The following AKAP3 variants were observed in gnomAD, a reference collection of about 807,000 sequenced individuals.
The protein encoded by AKAP3 is A-kinase anchoring protein 3.
A neutral mutation model predicts 57.2 loss-of-function variants in AKAP3; 27 were observed. The ratio of observed to expected loss-of-function variants is 0.47; its 90% CI spans 0.35 to 0.65. The LOEUF is 0.65. Among genes scored for constraint, AKAP3 ranks in the 30% least tolerant of loss-of-function variants. AKAP3 has a pLI of 0.01. For missense variants in AKAP3, 959 were observed against 1,040.0 expected (o/e 0.92, Z 1.07); for synonymous variants, 334 against 392.3 (o/e 0.85, Z 1.76).
chr12:4,639,167 T>G lies in AKAP3; in HGVS notation c.1-971A>C, dbSNP rs188115237. Among the ~76,000 whole-genome samples, 148 of 152,334 alleles carry G rather than the reference T, an allele frequency of 9.7e-4. 1 individual carries two copies. The highest frequency in any genetic ancestry group is 5.8e-3 in the Admixed American group (88 of 15,302). On this transcript the variant is annotated intron_variant, in intron 3 of 5. Transcript: ENST00000228850. ...ACACACTTTCCACAACACCGAATCT[T>G]ACTTGCTAGTCTTTGAAAACATGGC... is the stretch of plus-strand genomic sequence containing the variant.
At chr12:4,641,456 C>G (rs139046212) in intron 3 of AKAP3, among the ~76,000 whole-genome samples, 1 of 152,164 alleles carries the variant, frequency 6.6e-6, no homozygotes. Context: ...TCAAGTGATC[C>G]GCCAGCCTTG....
rs745729081 is a variant in AKAP3 at position 4,627,509 on chromosome 12, G to C, written c.1393C>G (p.Gln465Glu). The C allele has an allele frequency of 8.1e-6, 13 of 1,614,144 alleles. No individual in the cohort carries two copies. In the South Asian group the frequency reaches 1.4e-4, roughly 18 times the overall value. ...KEGLTLWHKTQQKECKSLGFQ... is the reference protein window; with the variant it reads ...KEGLTLWHKTEQKECKSLGFQ... Reference sequence around the variant, plus strand: ...CCTAGAGATTTACATTCTTTCTGCTGAGTTTTATGCCACAAGGTAAGCCCC... The same window carrying C: ...CCTAGAGATTTACATTCTTTCTGCTCAGTTTTATGCCACAAGGTAAGCCCC... Residue 465 changes from glutamine to glutamate, a missense_variant, in exon 5 of 6, where the codon CAG becomes GAG. Transcript: ENST00000228850.
chr12:4,635,454 T>G lies in AKAP3; in HGVS notation c.96+2647A>C, dbSNP rs536463522. 2.2e-5 allele frequency: 16 copies of G among 713,596 alleles called. No individual in the cohort carries two copies. In the African/African-American group the frequency reaches 2.6e-4, roughly 12 times the overall value. The allele number at this position is 713,596 out of a possible 1,614,324, so 44.2% of individuals were successfully genotyped here. A position where few individuals can be genotyped will look rare whatever the true frequency, so the allele number is the denominator to read the frequency against. On this transcript the variant is annotated intron_variant, in intron 4 of 5. Transcript: ENST00000228850. ...TTGTGGTTCATTCTTTGGCAATTTT[T>G]TAGCTATTGCCACGAACATTTCATT...
chr12:4,631,235 T>C lies in AKAP3; in HGVS notation c.97-2430A>G, dbSNP rs186659226. The C allele has an allele frequency of 3.0e-5, 19 of 634,094 alleles. No individual in the cohort carries two copies. In the East Asian group the frequency reaches 5.7e-4, roughly 19 times the overall value. The allele number at this position is 634,094 out of a possible 1,614,324, so 39.3% of individuals were successfully genotyped here. On this transcript the variant is annotated intron_variant, in intron 4 of 5. Transcript: ENST00000228850. Reference sequence around the variant, plus strand: ...TCTGACCATTTGGTAATCTCTTTTATGGATTAATGATTTATAGAGTTATAT... The same window carrying C: ...TCTGACCATTTGGTAATCTCTTTTACGGATTAATGATTTATAGAGTTATAT...
At chr12:4,641,005 A>G (rs1945630059) in intron 3 of AKAP3, among the ~76,000 whole-genome samples, 1 of 151,906 alleles carries the variant, frequency 6.6e-6, no homozygotes, top group Non-Finnish European at 1.5e-5. Flanking sequence ...AGGTCCAGAA[A>G]GATAATTATT....
At chr12:4,644,549 T>C (rs1945676070) in intron 2 of AKAP3, among the ~76,000 whole-genome samples, 2 of 152,284 alleles carry the variant, frequency 1.3e-5, no homozygotes, top group South Asian at 4.1e-4. Context: ...GCAAAGATGG[T>C]AGGTTTGACT....
At chr12:4,635,880 A>C (rs1004638872) in intron 4 of AKAP3, 5 of 679,862 alleles carry the variant, frequency 7.4e-6, no homozygotes, top group South Asian at 1.6e-5. Flanking sequence ...CTGGCTAAGA[A>C]CCACCACTCT....
intron 5 of AKAP3, among the ~76,000 whole-genome samples, chr12:4,624,071 AAT>A (rs1293924209): frequency 1.9e-3 from 295 of 152,264 alleles, no homozygotes; most frequent in African/African-American, 6.2e-3. Flanking sequence ...AATACATTTG[AAT>A]CTGTGCAAAA....
At chr12:4,634,702 G>A (rs1591531740) in intron 4 of AKAP3, among the ~76,000 whole-genome samples, 1 of 147,246 alleles carries the variant, frequency 6.8e-6, no homozygotes, top group Non-Finnish European at 1.5e-5. Flanking sequence ...CCTAAAACAA[G>A]ATGGGATTGC....
At position 4,627,551 on chromosome 12, in the gene AKAP3, C is replaced by T. The variant is rs1465888814; in HGVS notation, c.1351G>A (p.Glu451Lys). Residue 451 changes from glutamate to lysine, a missense_variant, in exon 5 of 6, where the codon GAG (glutamate) becomes AAG (lysine). Transcript: ENST00000228850. ...EEETCAKTLG[E>K]HIIKEGLTLW... ...GTAAGCCCCTCTTTGATAATGTGCT[C>T]ACCCAGAGTTTTCGCACAAGTCTCC... The T allele has an allele frequency of 1.2e-6, 2 of 1,614,172 alleles. No homozygotes were observed. The highest frequency in any genetic ancestry group is 3.3e-5 in the Admixed American group (2 of 60,032).
rs544521521 is a variant in AKAP3 at position 4,627,446 on chromosome 12, G to A, written c.1456C>T (p.Arg486Cys). 2.0e-5 allele frequency: 32 copies of A among 1,613,968 alleles called. No individual in the cohort carries two copies. The highest frequency in any genetic ancestry group is 4.0e-5 in the African/African-American group (3 of 75,028). ...HAAFEAPNTQ[R>C]KPASDISFEY... The stretch of plus-strand genomic sequence containing the variant: ...AAGGAAATGTCTGATGCAGGCTTAC[G>A]CTGTGTGTTGGGAGCTTCAAATGCT... Residue 486 changes from arginine (R) to cysteine (C), a missense_variant, in exon 5 of 6, where the codon CGT becomes TGT. Coordinates refer to ENST00000228850, the MANE Select transcript of AKAP3 (RefSeq NM_001278309.2).
At chr12:4,638,068 T>A in intron 4 of AKAP3, 33 bp downstream of exon 4, 1 of 1,513,432 alleles carries the variant, frequency 6.6e-7, no homozygotes, top group Non-Finnish European at 9.2e-7. Flanking sequence ...CCCATATTCT[T>A]AACCTAGTGT....
At chr12:4,647,269 AC>A (rs1401724089) in intron 1 of AKAP3, among the ~76,000 whole-genome samples, 1 of 152,186 alleles carries the variant, frequency 6.6e-6, no homozygotes, top group African/African-American at 2.4e-5. Context: ...CTTTTGAGGT[AC>A]CAGGGTAGGT....
At chr12:4,641,412 C>T (rs1387868982) in intron 3 of AKAP3, among the ~76,000 whole-genome samples, 1 of 152,284 alleles carries the variant, frequency 6.6e-6, no homozygotes, top group Non-Finnish European at 1.5e-5. Flanking sequence ...CAGGGTTTCA[C>T]CATGTTGGCC....
intron 4 of AKAP3, among the ~76,000 whole-genome samples, chr12:4,636,415 T>C (rs1945566523): frequency 6.6e-6 from 1 of 152,248 alleles, no homozygotes; most frequent in Non-Finnish European, 1.5e-5. Flanking sequence ...TTTTCCAAAA[T>C]GAATGATAAG....
At chr12:4,640,908 G>T (rs142004131) in intron 3 of AKAP3, among the ~76,000 whole-genome samples, 2 of 152,142 alleles carry the variant, frequency 1.3e-5, no homozygotes, top group Non-Finnish European at 2.9e-5. Context: ...ATTCTTAAAT[G>T]CTCCCTGAGT....
intron 2 of AKAP3, among the ~76,000 whole-genome samples, chr12:4,642,516 A>T (rs753013110): frequency 1.4e-4 from 22 of 152,314 alleles, no homozygotes; most frequent in Non-Finnish European, 2.5e-4. Context: ...AGTGGAAGAC[A>T]TTAGGGCACT....
At chr12:4,646,144 G>A (rs181891250) in intron 1 of AKAP3, among the ~76,000 whole-genome samples, 33 of 152,232 alleles carry the variant, frequency 2.2e-4, no homozygotes, top group African/African-American at 7.5e-4. Context: ...CCTGACCTGA[G>A]AAACTGTAGT....
At chr12:4,631,451 A>G (rs1945496852) in intron 4 of AKAP3, 2 of 665,540 alleles carry the variant, frequency 3.0e-6, no homozygotes, top group Admixed American at 2.3e-5. Flanking sequence ...GAAGCTATAA[A>G]CTGTCTCTAT....
Sources: allele counts gnomAD v4.1 joint callset (sites outside exome capture counted in the v4.1 genomes callset), GRCh38; gene constraint gnomAD v4.1.1; transcripts MANE v1.5; gene names NCBI Gene and HGNC (gene_info 2026-07-23, HGNC 2026-07-21).